The following LAMB4 variants were observed in gnomAD, a reference collection of about 807,000 sequenced individuals.
The protein encoded by LAMB4 is laminin subunit beta 4, also known as laminin subunit beta-4.
In LAMB4, 196 loss-of-function variants were observed where a neutral mutation model predicts 199.2. The ratio of observed to expected loss-of-function variants is 0.98; its 90% CI spans 0.88 to 1.11. The LOEUF (loss-of-function observed/expected upper bound fraction) is 1.11, where lower values mean the gene tolerates loss of function less well. Ranked by LOEUF, LAMB4 falls within the 50% of genes least tolerant of loss-of-function variation. The probability of loss-of-function intolerance (pLI) is 0.00; values close to 1 mark genes in which losing one functional copy is unlikely to be tolerated. For synonymous variants in LAMB4, 744 were observed against 770.6 expected (o/e 0.97, Z 0.57); for missense variants, 2,080 against 2,171.2 (o/e 0.96, Z 0.83).
At chr7:108,047,829 T>C (rs1329779885) in intron 28 of LAMB4, 79 bp downstream of exon 28, 2 of 1,129,904 alleles carry the variant, frequency 1.8e-6, no homozygotes, top group South Asian at 1.3e-5. Flanking sequence ...TTGGAAGTTA[T>C]ATGGCAGTTT....
intron 14 of LAMB4, among the ~76,000 whole-genome samples, chr7:108,081,138 C>G (rs1276481738): frequency 6.6e-6 from 1 of 152,006 alleles, no homozygotes; most frequent in Non-Finnish European, 1.5e-5. Flanking sequence ...AATAAAATAC[C>G]CTTGCAATTG....
At position 108,048,016 on chromosome 7, in the gene LAMB4, G is replaced by C; in HGVS notation, c.4218C>G (p.Pro1406=). 6.2e-7 allele frequency: 1 copy of C among 1,614,098 alleles called. No individual in the cohort carries two copies. The highest frequency in any genetic ancestry group is 8.5e-7 in the Non-Finnish European group (1 of 1,179,968). Residue 1406 remains proline, a synonymous_variant, in exon 28 of 34, where the codon CCC becomes CCG. Transcript: ENST00000388781. ...AGAGGGTCAGGGAGCCGTGACAGCC[G>C]GGACCCCTACACTTCCTGTGCCCCT... ...GRKGHRKCRG[P]GCHGSLTLST... is the part of the protein sequence containing the mutation.
At chr7:108,043,991 C>T (rs934590262) in intron 28 of LAMB4, 95 bp from the exon 29 acceptor site, 1 of 1,075,334 alleles carries the variant, frequency 9.3e-7, no homozygotes, top group African/African-American at 1.7e-5. Flanking sequence ...CCAAATAAAA[C>T]TGTCACTAAA....
chr7:108,082,192 C>T (rs903491527), intron 14 of LAMB4, among the ~76,000 whole-genome samples: 16 of 151,900 alleles, frequency 1.1e-4, no homozygotes, highest in African/African-American at 3.4e-4. Flanking sequence ...TAGCTAGGCA[C>T]GGTGGTGCGC....
At chr7:108,058,461 T>C (rs1328683573) in intron 23 of LAMB4, among the ~76,000 whole-genome samples, 1 of 152,266 alleles carries the variant, frequency 6.6e-6, no homozygotes, top group Non-Finnish European at 1.5e-5. Flanking sequence ...GCTGAACTTT[T>C]CTTTACCCTC....
chr7:108,085,845 C>T (rs1292242767), intron 14 of LAMB4, among the ~76,000 whole-genome samples: 2 of 152,120 alleles, frequency 1.3e-5, no homozygotes, highest in African/African-American at 4.8e-5. Context: ...GATCTCCTGA[C>T]CTCATGATCC....
At chr7:108,118,574 C>CA (rs948012211) in intron 2 of LAMB4, among the ~76,000 whole-genome samples, 4 of 150,774 alleles carry the variant, frequency 2.7e-5, no homozygotes, top group East Asian at 1.9e-4. Flanking sequence ...GATCCATAGC[C>CA]AAAAAAAGAA....
intron 14 of LAMB4, among the ~76,000 whole-genome samples, chr7:108,091,331 G>A (rs375071910): frequency 6.6e-6 from 1 of 152,108 alleles, no homozygotes; most frequent in Non-Finnish European, 1.5e-5. Context: ...CATTTTGTCT[G>A]ATGGGTATAC....
chr7:108,077,419 G>C (rs1239462858), intron 16 of LAMB4, among the ~76,000 whole-genome samples: 4 of 152,176 alleles, frequency 2.6e-5, no homozygotes, highest in African/African-American at 7.2e-5. Flanking sequence ...TTGCGGCAGG[G>C]CATGGTGGCT....
At chr7:108,074,807 C>G (rs2036642649) in intron 17 of LAMB4, among the ~76,000 whole-genome samples, 2 of 151,968 alleles carry the variant, frequency 1.3e-5, no homozygotes, top group Admixed American at 1.3e-4. Context: ...TATTTTACAC[C>G]CCAGGACCAG....
At chr7:108,016,432 T>C in the LAMB4 span, among the ~76,000 whole-genome samples, 1 of 152,082 alleles carries the variant, frequency 6.6e-6, no homozygotes, top group Non-Finnish European at 1.5e-5. Flanking sequence ...TACAGGCATG[T>C]TCCATCACAC....
rs748824438 is a variant in LAMB4, at chr7:108,098,612, TAATTGCA to T, written c.1181-37_1181-31del. The T allele has an allele frequency of 5.8e-6, 9 of 1,545,048 alleles. No homozygotes were observed. In the East Asian group the frequency reaches 1.6e-4, roughly 28 times the overall value. On this transcript the variant is annotated intron_variant, in intron 10 of 33. Transcript: ENST00000388781. ...GGACACAGACATTCATTGTTTTAGT[TAATTGCA>T]AATTGTGGGAAGCCTGAAATATAAG...
Position 108,045,595 on chromosome 7 carries a change from A to G in LAMB4, c.4327-1699T>C, listed in dbSNP as rs185753158. 4.6e-5 allele frequency among the ~76,000 whole-genome samples: 7 copies of G among 152,378 alleles called. No homozygotes were observed. In the East Asian group the frequency reaches 1.3e-3, roughly 29 times the overall value. On this transcript the variant is annotated intron_variant, in intron 28 of 33. Transcript: ENST00000388781. ...GACTTAATGATATGATCAAGTGGCA[A>G]TCAGGACTCCTTTAAATGTGGGTGA...
chr7:108,103,289 GT>G, intron 9 of LAMB4, 57 bp from the exon 10 acceptor site: 1 of 1,428,476 alleles, frequency 7.0e-7, no homozygotes, highest in South Asian at 1.3e-5. Context: ...GGCACAGCCA[GT>G]GCCCCCGCAC....
chr7:108,021,448 G>T (rs1218030764), downstream of LAMB4, among the ~76,000 whole-genome samples: 3 of 152,292 alleles, frequency 2.0e-5, no homozygotes, highest in East Asian at 3.9e-4. Context: ...GGTGGCTCAC[G>T]CCTGTAATCA....
chr7:108,090,336 C>G (rs1480579619), intron 14 of LAMB4, among the ~76,000 whole-genome samples: 1 of 152,194 alleles, frequency 6.6e-6, no homozygotes, highest in African/African-American at 2.4e-5. Flanking sequence ...CCTTTAAACT[C>G]TTAATATCAA....
chr7:108,047,131 T>C lies in LAMB4; in HGVS notation c.4326+777A>G, dbSNP rs530003821. On this transcript the variant is annotated intron_variant, in intron 28 of 33. Coordinates refer to ENST00000388781, the MANE Select transcript of LAMB4 (RefSeq NM_007356.3). Reference sequence around the variant, plus strand: ...ATGTAGGTTTTGCTGTAAACAAACATGTCCACACGAGTCTATGACCTATGA... The same window carrying C: ...ATGTAGGTTTTGCTGTAAACAAACACGTCCACACGAGTCTATGACCTATGA... 1.3e-4 allele frequency among the ~76,000 whole-genome samples: 20 copies of C among 152,262 alleles called. No homozygotes were observed. The East Asian group carries it at 1.4e-3, about 10-fold the overall frequency.
At chr7:108,092,604 G>A (rs1447141706) in intron 12 of LAMB4, among the ~76,000 whole-genome samples, 188 bp from the exon 13 acceptor site, 1 of 152,134 alleles carries the variant, frequency 6.6e-6, no homozygotes, top group African/African-American at 2.4e-5. Flanking sequence ...CCATCTCCAG[G>A]ATTTGAAGTA....
At chr7:108,040,371 A>C (rs562981988) in intron 29 of LAMB4, among the ~76,000 whole-genome samples, 2 of 152,350 alleles carry the variant, frequency 1.3e-5, no homozygotes, top group South Asian at 4.1e-4. Context: ...ATTCTTATCA[A>C]ACTACCAATG....
Sources: allele counts gnomAD v4.1 joint callset (sites outside exome capture counted in the v4.1 genomes callset), GRCh38; gene constraint gnomAD v4.1.1; transcripts MANE v1.5; gene names NCBI Gene and HGNC (gene_info 2026-07-23, HGNC 2026-07-21).